ZNF320: variants seen among roughly 807,000 people sequenced by gnomAD.
ZNF320 encodes the protein zinc finger gene 320.
Under a neutral mutation model 6.8 loss-of-function variants are expected in ZNF320, and 2 were observed. The ratio of observed to expected loss-of-function variants is 0.29; its 90% CI spans 0.12 to 0.93. The LOEUF is 0.93. Among genes scored for constraint, ZNF320 ranks in the 40% least tolerant of loss-of-function variants. The pLI, the probability that ZNF320 is intolerant of heterozygous loss-of-function variation, is 0.55. For synonymous variants in ZNF320, 208 were observed against 203.2 expected (o/e 1.02, Z -0.20); for missense variants, 472 against 611.0 (o/e 0.77, Z 2.40).
rs2063827994 is a variant in ZNF320 at position 52,878,608 on chromosome 19, T to C, written c.*1988A>G. 1 of 152,224 alleles carries C rather than the reference T, an allele frequency of 6.6e-6. No individual in the cohort carries two copies. The highest frequency in any genetic ancestry group is 1.5e-5 in the Non-Finnish European group (1 of 68,054). The allele number at this position is 152,224 out of a possible 1,614,324, so 9.4% of individuals were successfully genotyped here. A position where few individuals can be genotyped will look rare whatever the true frequency, so the allele number is the denominator to read the frequency against. ...TAAAATAAGTTTTCCATTTACAAAC[T>C]GGTGATTTATTTTGGGAATCGTCCC... On this transcript the variant is annotated 3_prime_UTR_variant, in exon 6 of 6. Coordinates refer to ENST00000682928, the MANE Select transcript of ZNF320 (RefSeq NM_001351774.2).
At chr19:52,869,929 G>A (rs1478832796) in intron 5 of ZNF320, among the ~76,000 whole-genome samples, 1 of 151,588 alleles carries the variant, frequency 6.6e-6, no homozygotes, top group South Asian at 2.1e-4. Context: ...TGTTAGCCAG[G>A]ATGGTCTCGA....
intron 5 of ZNF320, among the ~76,000 whole-genome samples, chr19:52,865,599 A>T (rs1484228752): frequency 7.9e-6 from 1 of 126,220 alleles, no homozygotes; most frequent in East Asian, 2.2e-4. Context: ...ACATATATTT[A>T]TATATGAGAT....
rs2063508600 is a variant in ZNF320, at chr19:52,864,349, C to T, written c.224-190G>A. ...ACTTTTCCATGAGAGATTTCAAGAT[C>T]CCCTAAGTAAAAAATTTACAAATAA... On this transcript the variant is annotated intron_variant, in intron 5 of 5. Transcript: ENST00000673631. Among the ~76,000 whole-genome samples the T allele has an allele frequency of 2.0e-5, 3 of 152,108 alleles. No homozygotes were observed. In the South Asian group the frequency reaches 6.2e-4, roughly 32 times the overall value.
rs1274184144 is a variant in ZNF320, at chr19:52,879,752, T to C, written c.*844A>G. On this transcript the variant is annotated 3_prime_UTR_variant, in exon 6 of 6. Transcript: ENST00000682928. The stretch of plus-strand genomic sequence containing the variant: ...AAACATATGCAGTGGATTTGAAGAA[T>C]AGAATAACAGCACCAAAAATTAGTT... The C allele has an allele frequency of 1.3e-5, 2 of 152,132 alleles. No individual in the cohort carries two copies. Among genetic ancestry groups the C allele is most frequent in the Non-Finnish European group, 2.9e-5 (2 of 68,028 alleles). 9.4% of individuals were successfully genotyped at this position (152,132 alleles called of 1,614,324 possible).
upstream of ZNF320, among the ~76,000 whole-genome samples, chr19:52,901,450 C>A (rs2064570984): frequency 6.6e-6 from 1 of 152,164 alleles, no homozygotes; most frequent in African/African-American, 2.4e-5. Flanking sequence ...TCATCTTCTT[C>A]AGAGTCACTT....
chr19:52,860,371 G>A (rs1001021651), downstream of ZNF320, among the ~76,000 whole-genome samples: 1 of 152,084 alleles, frequency 6.6e-6, no homozygotes, highest in Non-Finnish European at 1.5e-5. Flanking sequence ...GGCTGTACCA[G>A]GGGGATCACC....
In ZNF320 at chr19:52,876,986, G is replaced by A. The variant is rs1329332361; in HGVS notation, c.*3610C>T. On this transcript the variant is annotated 3_prime_UTR_variant, in exon 6 of 6. Transcript: ENST00000682928. ...GCCCGGTGCGGTGGCACCTGGCTAT[G>A]GTCCTAGCAACTTTGGAGGCTGAGG... The A allele has an allele frequency of 6.6e-6, 1 of 152,114 alleles. No individual in the cohort carries two copies. Among genetic ancestry groups the A allele is most frequent in the African/African-American group, 2.4e-5 (1 of 41,422 alleles). 9.4% of individuals were successfully genotyped at this position (152,114 alleles called of 1,614,324 possible).
intron 1 of ZNF320, among the ~76,000 whole-genome samples, chr19:52,896,466 T>A (rs2064475982): frequency 6.6e-6 from 1 of 152,110 alleles, no homozygotes; most frequent in Admixed American, 6.5e-5. Context: ...TCCAGCATTT[T>A]GGGAGGGCGA....
chr19:52,868,229 A>G (rs1022752721), intron 5 of ZNF320, among the ~76,000 whole-genome samples: 29 of 152,238 alleles, frequency 1.9e-4, no homozygotes, highest in African/African-American at 5.3e-4. Flanking sequence ...GGAGGCATCC[A>G]GGCGCAGTGG....
chr19:52,863,471 C>T (rs2063497970), exon 6 of ZNF320, among the ~76,000 whole-genome samples: 1 of 151,902 alleles, frequency 6.6e-6, no homozygotes, highest in South Asian at 2.1e-4. Context: ...GTGGCATGTG[C>T]CTGCAATCCC....
At chr19:52,861,799 G>T in exon 6 of ZNF320, 2 of 363,638 alleles carry the variant, frequency 5.5e-6, no homozygotes, top group South Asian at 5.5e-5. Flanking sequence ...GTTCTGCAAG[G>T]AGTGACCTCA....
exon 6 of ZNF320, among the ~76,000 whole-genome samples, chr19:52,863,399 C>T (rs1463240420): frequency 2.6e-5 from 4 of 151,802 alleles, no homozygotes; most frequent in Admixed American, 2.0e-4. Flanking sequence ...GAGTTCAAGA[C>T]CATTGTGGCC....
Position 52,865,564 on chromosome 19 carries a change from C to T in ZNF320, c.224-1405G>A, listed in dbSNP as rs1250126601. Reference sequence around the variant, plus strand: ...GATTATACATATATATTTATATGATCATACATATATATTTATATGATTATA... The same window carrying T: ...GATTATACATATATATTTATATGATTATACATATATATTTATATGATTATA... On this transcript the variant is annotated intron_variant, in intron 5 of 5. Coordinates refer to the ZNF320 transcript ENST00000673631. 7.4e-4 allele frequency: 66 copies of T among 88,612 alleles called. 2 individuals carry two copies. The highest frequency in any genetic ancestry group is 3.2e-3 in the African/African-American group (61 of 19,122). 5.5% of individuals were successfully genotyped at this position (88,612 alleles called of 1,614,324 possible).
intron 2 of ZNF320, among the ~76,000 whole-genome samples, chr19:52,892,538 G>A (rs1478929850): frequency 2.0e-5 from 3 of 152,118 alleles, no homozygotes; most frequent in South Asian, 2.1e-4. Flanking sequence ...ATCACCTGAG[G>A]TCAGGAGTTC....
chr19:52,888,374 G>A, intron 4 of ZNF320, 121 bp from the exon 5 acceptor site: 1 of 380,006 alleles, frequency 2.6e-6, no homozygotes, highest in Non-Finnish European at 4.5e-6. Flanking sequence ...ACAAATCCAA[G>A]TAAGGGATTC....
exon 6 of ZNF320, chr19:52,861,926 G>C: frequency 2.8e-6 from 1 of 363,224 alleles, no homozygotes; most frequent in South Asian, 2.4e-5. Flanking sequence ...TCACACCTGT[G>C]AGGTTTCTCT....
chr19:52,882,999 A>G (rs2147825375), intron 5 of ZNF320, among the ~76,000 whole-genome samples: 1 of 152,120 alleles, frequency 6.6e-6, no homozygotes, highest in East Asian at 1.9e-4. Context: ...AAAATTACCT[A>G]TATCCATGTG....
chr19:52,903,429 G>C, the ZNF320 span, among the ~76,000 whole-genome samples: 1 of 151,962 alleles, frequency 6.6e-6, no homozygotes, highest in Admixed American at 6.6e-5. Context: ...TGGGGGGCGG[G>C]GGGAGGAGGT....
chr19:52,899,978 C>G (rs1385399221), upstream of ZNF320, among the ~76,000 whole-genome samples: 1 of 152,096 alleles, frequency 6.6e-6, no homozygotes, highest in African/African-American at 2.4e-5. Flanking sequence ...TTCTAATTAC[C>G]TATGGCTATG....
Sources: gnomAD v4.1 joint callset for allele counts (sites outside exome capture counted in the v4.1 genomes callset) on GRCh38, gnomAD v4.1.1 for gene constraint, MANE v1.5 for transcripts, NCBI Gene and HGNC (gene_info 2026-07-23, HGNC 2026-07-21) for gene names.